Variants in RBFOX1 observed in about 807,000 individuals in gnomAD.
The protein encoded by RBFOX1 is RNA binding fox-1 homolog 1.
A neutral mutation model predicts 57.7 loss-of-function variants in RBFOX1; 8 were observed. The observed-to-expected ratio is 0.14, with a 90% CI of 0.08 to 0.25. The LOEUF is 0.25. Ranked by LOEUF, RBFOX1 falls within the 10% of genes least tolerant of loss-of-function variation. The pLI, the probability that RBFOX1 is intolerant of heterozygous loss-of-function variation, is 1.00. For missense variants in RBFOX1, 611 were observed against 548.5 expected (o/e 1.11, Z -1.14); for synonymous variants, 326 against 222.4 (o/e 1.47, Z -4.15).
At chr16:6,733,163 C>T (rs1490728979) in intron 3 of RBFOX1, among the ~76,000 whole-genome samples, 1 of 152,136 alleles carries the variant, frequency 6.6e-6, no homozygotes, top group Non-Finnish European at 1.5e-5. Context: ...GAACAGCCAA[C>T]CCCTCATCTC....
At chr16:5,618,293 C>T (rs1021469605) in intron 3 of RBFOX1, among the ~76,000 whole-genome samples, 2 of 151,852 alleles carry the variant, frequency 1.3e-5, no homozygotes, top group African/African-American at 4.8e-5. Flanking sequence ...TGCATGAGTC[C>T]AGATTCATCC....
intron 3 of RBFOX1, among the ~76,000 whole-genome samples, chr16:6,948,728 T>C (rs1307286570): frequency 6.6e-6 from 1 of 152,144 alleles, no homozygotes; most frequent in African/African-American, 2.4e-5. Context: ...TTTGACTATG[T>C]TTTGAAATGT....
chr16:5,363,562 T>C (rs74003890), intron 1 of RBFOX1, among the ~76,000 whole-genome samples: 16,890 of 152,214 alleles, frequency 0.11, 1,102 homozygotes, highest in Admixed American at 0.19. Context: ...CTCCCCCTGA[T>C]TGGGGAAGTC....
rs189814881 is a variant in RBFOX1, at chr16:5,629,339, T to A, written c.318+30378T>A. Among the ~76,000 whole-genome samples the A allele has an allele frequency of 1.7e-4, 26 of 152,274 alleles. No individual in the cohort carries two copies. In the East Asian group the frequency reaches 4.6e-3, roughly 27 times the overall value. On this transcript the variant is annotated intron_variant, in intron 3 of 19. Transcript: ENST00000641259. ...AGTCGCTCAGAATGGATACAGCAGC[T>A]AACAAGAGCAGACCCAGCTATAAAC...
At chr16:7,253,336 G>A (rs974955909) in intron 4 of RBFOX1, among the ~76,000 whole-genome samples, 4 of 152,124 alleles carry the variant, frequency 2.6e-5, no homozygotes, top group Non-Finnish European at 4.4e-5. Flanking sequence ...AAGGAAGAGC[G>A]GAGACATGTC....
chr16:5,760,464 G>T (rs2053555305), intron 3 of RBFOX1, among the ~76,000 whole-genome samples: 1 of 152,132 alleles, frequency 6.6e-6, no homozygotes, highest in Admixed American at 6.5e-5. Context: ...ATATACGTGA[G>T]TAGCAGCATT....
chr16:6,960,642 C>A (rs1472581792), intron 3 of RBFOX1, among the ~76,000 whole-genome samples: 1 of 152,054 alleles, frequency 6.6e-6, no homozygotes, highest in Non-Finnish European at 1.5e-5. Flanking sequence ...CTCCTTCCTT[C>A]CTCTGTTCTG....
intron 2 of RBFOX1, among the ~76,000 whole-genome samples, chr16:6,431,896 G>GCTTGCTTGCTTGCTTTCTTTCTTTCTTT (rs1491277692): frequency 3.9e-5 from 5 of 128,196 alleles, no homozygotes; most frequent in African/African-American, 9.3e-5. Flanking sequence ...TTGCTTGCTT[G>GCTTGCTTGCTTGCTTTCTTTCTTTCTTT]CTTTCTTTCT....
At chr16:5,379,330 A>G (rs1204303437) in intron 1 of RBFOX1, among the ~76,000 whole-genome samples, 1 of 151,518 alleles carries the variant, frequency 6.6e-6, no homozygotes, top group East Asian at 1.9e-4. Context: ...ATCTTTCCAC[A>G]TTCAGACCTC....
chr16:6,935,037 G>T (rs2077142827), intron 3 of RBFOX1, among the ~76,000 whole-genome samples: 1 of 151,910 alleles, frequency 6.6e-6, no homozygotes, highest in African/African-American at 2.4e-5. Context: ...GTTGCAGTGA[G>T]ACAAGATCGT....
At chr16:7,567,377 C>G in intron 5 of RBFOX1, among the ~76,000 whole-genome samples, 1 of 112,832 alleles carries the variant, frequency 8.9e-6, no homozygotes, top group Admixed American at 9.3e-5. Flanking sequence ...ATATATATAT[C>G]CCTATGTATG....
intron 4 of RBFOX1, among the ~76,000 whole-genome samples, chr16:7,478,511 G>T (rs557777710): frequency 1.3e-4 from 20 of 152,332 alleles, no homozygotes; most frequent in African/African-American, 4.6e-4. Flanking sequence ...GAGAGGGGGA[G>T]TCCCTGGTAC....
chr16:7,514,184 T>C (rs1028079040), intron 4 of RBFOX1, among the ~76,000 whole-genome samples: 2 of 152,166 alleles, frequency 1.3e-5, no homozygotes, highest in Non-Finnish European at 2.9e-5. Flanking sequence ...AACTCTGCCT[T>C]TGTAGTACAA....
intron 4 of RBFOX1, among the ~76,000 whole-genome samples, chr16:7,247,815 A>T (rs1219121526): frequency 6.6e-6 from 1 of 152,150 alleles, no homozygotes; most frequent in Non-Finnish European, 1.5e-5. Context: ...GCATGTTCTC[A>T]CTTATAAGTG....
intron 1 of RBFOX1, among the ~76,000 whole-genome samples, chr16:5,465,601 C>G (rs1017535706): frequency 5.3e-5 from 8 of 152,152 alleles, no homozygotes; most frequent in African/African-American, 1.9e-4. Flanking sequence ...CCCAGGACTC[C>G]TCTTCATGCA....
At chr16:6,424,054 A>G (rs781351023) in intron 2 of RBFOX1, among the ~76,000 whole-genome samples, 5 of 152,180 alleles carry the variant, frequency 3.3e-5, no homozygotes, top group Admixed American at 2.0e-4. Flanking sequence ...CCTGGCCAAC[A>G]TGGTGAAAAC....
At chr16:7,324,517 T>C (rs1428225997) in intron 4 of RBFOX1, among the ~76,000 whole-genome samples, 2 of 152,218 alleles carry the variant, frequency 1.3e-5, no homozygotes, top group African/African-American at 4.8e-5. Flanking sequence ...CCAGTTGTCA[T>C]TCATCCCCAG....
chr16:7,100,043 T>A (rs934416281), intron 4 of RBFOX1, among the ~76,000 whole-genome samples: 2 of 151,090 alleles, frequency 1.3e-5, no homozygotes, highest in African/African-American at 4.9e-5. Flanking sequence ...GAGGAGGGGG[T>A]CCTTTCACAT....
chr16:6,563,416 C>T (rs1361336154), intron 2 of RBFOX1, among the ~76,000 whole-genome samples: 1 of 152,074 alleles, frequency 6.6e-6, no homozygotes, highest in African/African-American at 2.4e-5. Flanking sequence ...AACTGGGATC[C>T]CCCCTAGATT....
Sources: allele counts gnomAD v4.1 joint callset (sites outside exome capture counted in the v4.1 genomes callset), GRCh38; gene constraint gnomAD v4.1.1; transcripts MANE v1.5; gene names NCBI Gene and HGNC (gene_info 2026-07-23, HGNC 2026-07-21).